AR: variants seen among roughly 807,000 people sequenced by gnomAD.
The protein encoded by AR is androgen receptor.
AR carries 8 observed loss-of-function variants against 53.9 expected under a neutral mutation model. The ratio of observed to expected loss-of-function variants is 0.15; its 90% confidence interval spans 0.09 to 0.27. AR has a LOEUF of 0.27. Ranked by LOEUF, AR falls within the 10% of genes least tolerant of loss-of-function variation. The pLI, the probability that AR is intolerant of heterozygous loss-of-function variation, is 1.00. For missense variants in AR, 639 were observed against 742.5 expected, an observed-to-expected ratio of 0.86 and a Z score of 1.62; for synonymous variants, 359 against 316.4, an observed-to-expected ratio of 1.13 and a Z score of -1.43.
At chrX:67,611,529 A>G (rs935739918) in intron 1 of AR, among the ~76,000 whole-genome samples, 1 of 111,388 alleles carries the variant, frequency 9.0e-6, no homozygotes, top group Non-Finnish European at 1.9e-5. Context: ...AAATTTGTTT[A>G]TGTTTTCCTA....
intron 3 of AR, among the ~76,000 whole-genome samples, chrX:67,710,912 T>C (rs2076091145): frequency 8.9e-6 from 1 of 112,084 alleles, no homozygotes; most frequent in Non-Finnish European, 1.9e-5. Context: ...CCTATTTTGT[T>C]GATGCCTCCA....
chrX:67,687,923 T>G (rs1282297450), intron 3 of AR, among the ~76,000 whole-genome samples: 1 of 112,519 alleles, frequency 8.9e-6, no homozygotes, highest in Admixed American at 9.4e-5. Context: ...GTGATGTGAT[T>G]ACAGTGAACC....
In AR at chrX:67,594,057, C is replaced by T. The variant is rs55887145; in HGVS notation, c.1616+47295C>T. 4.4e-3 allele frequency among the ~76,000 whole-genome samples: 496 copies of T among 112,050 alleles called. 1 individual carries two copies. The highest frequency in any genetic ancestry group is 7.2e-3 in the Non-Finnish European group (385 of 53,220). On this transcript the variant is annotated intron_variant, in intron 1 of 7. Transcript: ENST00000374690. ...TCTCCCAGGCTGGAGTACAGTAGTGCGCTCATGGCTTACTACAGCCTCGAT... is the reference window on the plus strand; with the variant it reads ...TCTCCCAGGCTGGAGTACAGTAGTGTGCTCATGGCTTACTACAGCCTCGAT...
chrX:67,666,468 A>T (rs748780125), intron 2 of AR, among the ~76,000 whole-genome samples: 1 of 112,075 alleles, frequency 8.9e-6, no homozygotes, highest in South Asian at 3.7e-4. Context: ...GTCTGTTGAT[A>T]GACAAGAGTT....
intron 1 of AR, among the ~76,000 whole-genome samples, chrX:67,626,095 T>A (rs1468530513): frequency 9.0e-6 from 1 of 111,484 alleles, no homozygotes; most frequent in Non-Finnish European, 1.9e-5. Flanking sequence ...ACTCTTTTAG[T>A]TATTTTTAAA....
At chrX:67,663,413 G>C (rs1927061593) in intron 2 of AR, among the ~76,000 whole-genome samples, 1 of 111,982 alleles carries the variant, frequency 8.9e-6, no homozygotes, top group Admixed American at 9.5e-5. Flanking sequence ...TGAAATTCTG[G>C]TTTTAAAATT....
chrX:67,613,504 G>T (rs1923975232), intron 1 of AR, among the ~76,000 whole-genome samples: 1 of 111,606 alleles, frequency 9.0e-6, no homozygotes, highest in Admixed American at 9.5e-5. Context: ...CAGCATGGAG[G>T]ATACCAGAGA....
chrX:67,606,336 A>T (rs1429227016), intron 1 of AR, among the ~76,000 whole-genome samples: 1 of 112,052 alleles, frequency 8.9e-6, no homozygotes, highest in Non-Finnish European at 1.9e-5. Context: ...TTAATTGACA[A>T]AATATAATTG....
At chrX:67,548,146 T>G (rs1159862473) in intron 1 of AR, among the ~76,000 whole-genome samples, 1 of 112,049 alleles carries the variant, frequency 8.9e-6, no homozygotes, top group East Asian at 2.8e-4. Context: ...GTTTGGGGAC[T>G]TAAATCCAGC....
intron 1 of AR, among the ~76,000 whole-genome samples, chrX:67,555,652 A>G (rs1741326914): frequency 8.9e-6 from 1 of 112,546 alleles, no homozygotes; most frequent in South Asian, 3.7e-4. Flanking sequence ...GGGGCACATG[A>G]TGATCTTATA....
At chrX:67,555,091 C>A (rs1484888228) in intron 1 of AR, among the ~76,000 whole-genome samples, 1 of 110,382 alleles carries the variant, frequency 9.1e-6, no homozygotes, top group Non-Finnish European at 1.9e-5. Flanking sequence ...CAAACAAAAA[C>A]CAAACAACCA....
intron 3 of AR, among the ~76,000 whole-genome samples, chrX:67,708,931 C>T (rs975115469): frequency 1.3e-4 from 15 of 111,954 alleles, no homozygotes; most frequent in African/African-American, 4.2e-4. Flanking sequence ...GCCTGGGTGT[C>T]GGCAGCAGAG....
intron 1 of AR, among the ~76,000 whole-genome samples, chrX:67,633,300 C>G (rs1404026618): frequency 9.0e-6 from 1 of 111,565 alleles, no homozygotes; most frequent in Non-Finnish European, 1.9e-5. Flanking sequence ...CCTCCACCAT[C>G]AAGTAGGCCC....
Position 67,702,207 on chromosome X carries a change from C to T in AR, c.1886-9195C>T, listed in dbSNP as rs181691000. On this transcript the variant is annotated intron_variant, in intron 3 of 7. Coordinates refer to ENST00000374690, the MANE Select transcript of AR (RefSeq NM_000044.6). ...AATTAAGTGATGTAATGTGATGAAG[C>T]GAGGCACGCAGAAGGCCCTGAAAAA... Among the ~76,000 whole-genome samples the T allele has an allele frequency of 4.5e-5, 5 of 111,351 alleles. No homozygotes were observed. The East Asian group carries it at 1.1e-3, about 25-fold the overall frequency.
intron 3 of AR, among the ~76,000 whole-genome samples, chrX:67,705,098 C>A (rs2076060246): frequency 9.0e-6 from 1 of 111,360 alleles, no homozygotes; most frequent in South Asian, 3.8e-4. Flanking sequence ...CAGCTTTGTT[C>A]TTTTGGCTTA....
intron 1 of AR, among the ~76,000 whole-genome samples, chrX:67,631,856 G>C (rs746374393): frequency 9.9e-5 from 11 of 110,740 alleles, no homozygotes; most frequent in African/African-American, 1.6e-4. Context: ...TTCCTTCTAA[G>C]AGACAGGACC....
chrX:67,717,682 G>A (rs1479252585), intron 5 of AR, 60 bp downstream of exon 5: 3 of 1,183,918 alleles, frequency 2.5e-6, no homozygotes, highest in Non-Finnish European at 2.3e-6. Context: ...GACCTGGTTG[G>A]TGGTGATGGT....
intron 1 of AR, among the ~76,000 whole-genome samples, chrX:67,625,523 A>C (rs1004952389): frequency 4.5e-5 from 5 of 111,750 alleles, no homozygotes; most frequent in Non-Finnish European, 7.5e-5. Flanking sequence ...AGCAGTGGTA[A>C]TCAAGAGTGT....
chrX:67,603,102 T>C (rs1923456984), intron 1 of AR, among the ~76,000 whole-genome samples: 1 of 111,570 alleles, frequency 9.0e-6, no homozygotes, highest in South Asian at 3.8e-4. Flanking sequence ...AAATGAATAG[T>C]AAAGGAACAT....
Sources: allele counts gnomAD v4.1 joint callset (sites outside exome capture counted in the v4.1 genomes callset), GRCh38; gene constraint gnomAD v4.1.1; transcripts MANE v1.5; gene names NCBI Gene and HGNC (gene_info 2026-07-23, HGNC 2026-07-21).